DYM: variants seen among roughly 807,000 people sequenced by gnomAD.
DYM encodes the protein dymeclin, also known as dyggve-Melchior-Clausen syndrome protein.
In DYM, 78 loss-of-function variants were observed where a neutral mutation model predicts 93.1. The ratio of observed to expected loss-of-function variants is 0.84; its 90% CI spans 0.70 to 1.01. DYM has a LOEUF of 1.01. Ranked by LOEUF, DYM falls within the 50% of genes least tolerant of loss-of-function variation. DYM has a pLI of 0.00. For synonymous variants in DYM, 321 were observed against 319.7 expected (o/e 1.00, Z -0.04); for missense variants, 789 against 845.0 (o/e 0.93, Z 0.82).
intron 17 of DYM, among the ~76,000 whole-genome samples, chr18:49,084,162 T>G (rs183543833): frequency 6.6e-6 from 1 of 152,208 alleles, no homozygotes; most frequent in Non-Finnish European, 1.5e-5. Flanking sequence ...ATCTCACAAA[T>G]TTTGATATGC....
At chr18:49,085,979 A>G (rs1416812948) in intron 17 of DYM, among the ~76,000 whole-genome samples, 1 of 152,158 alleles carries the variant, frequency 6.6e-6, no homozygotes, top group Non-Finnish European at 1.5e-5. Flanking sequence ...ATTTCTGACC[A>G]AAGAAAATTC....
At chr18:49,217,569 C>T (rs1262623043) in intron 13 of DYM, among the ~76,000 whole-genome samples, 2 of 152,132 alleles carry the variant, frequency 1.3e-5, no homozygotes, top group Non-Finnish European at 2.9e-5. Context: ...GCAGAAACTC[C>T]ACAAGCCAGA....
chr18:49,170,906 T>C (rs368118740), intron 14 of DYM, among the ~76,000 whole-genome samples: 4 of 151,710 alleles, frequency 2.6e-5, no homozygotes, highest in African/African-American at 9.7e-5. Flanking sequence ...AAAGACATTC[T>C]GGAAGCCAAG....
At position 49,217,015 on chromosome 18, in the gene DYM, A is replaced by C. The variant is rs188962980; in HGVS notation, c.1461-7300T>G. Among the ~76,000 whole-genome samples the C allele has an allele frequency of 7.8e-4, 119 of 152,342 alleles. 1 individual carries two copies. Among genetic ancestry groups the C allele is most frequent in the African/African-American group, 2.7e-3 (114 of 41,588 alleles). ...AAGTTAAATACTTCGAAAAAAATTT[A>C]GACGAATGTATAACTAGAATAATCA... On this transcript the variant is annotated intron_variant, in intron 13 of 17. Coordinates refer to ENST00000675505, the MANE Select transcript of DYM (RefSeq NM_001353214.3).
chr18:49,046,100 A>C (rs376291522), intron 17 of DYM, among the ~76,000 whole-genome samples: 30 of 150,478 alleles, frequency 2.0e-4, no homozygotes, highest in Admixed American at 5.3e-4. Context: ...ACACACACAC[A>C]CCCACACCCA....
At chr18:49,128,856 T>C (rs1313707489) in intron 15 of DYM, among the ~76,000 whole-genome samples, 1 of 152,130 alleles carries the variant, frequency 6.6e-6, no homozygotes, top group Non-Finnish European at 1.5e-5. Context: ...TAAGTAAAAA[T>C]GCACAAAGTT....
At chr18:49,156,263 A>G (rs1302403937) in intron 15 of DYM, among the ~76,000 whole-genome samples, 1 of 152,210 alleles carries the variant, frequency 6.6e-6, no homozygotes, top group Non-Finnish European at 1.5e-5. Flanking sequence ...AACTTGCATC[A>G]CAGTCCAACA....
chr18:49,097,520 A>C lies in DYM; in HGVS notation c.1912-5T>G. ...TGAGCTAAAGAAGGAGATCACCTGT[A>C]ATGTAAAGTGTTATTTTTTAAACAA... On this transcript the variant is annotated splice_region_variant and splice_polypyrimidine_tract_variant and intron_variant, in intron 16 of 17. Coordinates refer to ENST00000675505, the MANE Select transcript of DYM (RefSeq NM_001353214.3). The C allele has an allele frequency of 6.2e-7, 1 of 1,612,464 alleles. No homozygotes were observed. The highest frequency in any genetic ancestry group is 8.5e-7 in the Non-Finnish European group (1 of 1,178,730).
intron 17 of DYM, among the ~76,000 whole-genome samples, chr18:49,082,713 A>AG (rs749648998): frequency 2.0e-5 from 3 of 152,254 alleles, no homozygotes; most frequent in Non-Finnish European, 4.4e-5. Flanking sequence ...AAAGAAAGAC[A>AG]GGAAGTGGCA....
At chr18:49,342,755 C>T (rs2147033213) in intron 6 of DYM, among the ~76,000 whole-genome samples, 1 of 152,272 alleles carries the variant, frequency 6.6e-6, no homozygotes, top group South Asian at 2.1e-4. Context: ...TACATACTTA[C>T]ACTGTGTTAC....
At chr18:49,342,120 G>A (rs920956289) in intron 6 of DYM, among the ~76,000 whole-genome samples, 1 of 152,162 alleles carries the variant, frequency 6.6e-6, no homozygotes, top group African/African-American at 2.4e-5. Context: ...TTTTTGGCAG[G>A]ACTCATTTCC....
chr18:49,273,228 T>C (rs538630203), intron 10 of DYM, among the ~76,000 whole-genome samples: 86 of 152,238 alleles, frequency 5.6e-4, no homozygotes, highest in South Asian at 1.9e-3. Context: ...TAGCTAAAAC[T>C]TCCTCTAAAT....
rs2070809117 is a variant in DYM, at chr18:49,039,082, A to G, written c.*4973T>C. On this transcript the variant is annotated 3_prime_UTR_variant, in exon 18 of 18. Transcript: ENST00000675505. The stretch of plus-strand genomic sequence containing the variant: ...CTTCTGCCTGTAAAACACCTTTTAA[A>G]TTTTCCTTTAGGGTAGGCGTGCTGA... Among the ~76,000 whole-genome samples, 1 of 152,034 alleles carries G rather than the reference A, an allele frequency of 6.6e-6. No homozygotes were observed. The highest frequency in any genetic ancestry group is 1.5e-5 in the Non-Finnish European group (1 of 68,008).
chr18:49,306,711 T>G (rs1431898221), intron 8 of DYM, among the ~76,000 whole-genome samples: 1 of 152,150 alleles, frequency 6.6e-6, no homozygotes, highest in Non-Finnish European at 1.5e-5. Context: ...CATAAGTGAG[T>G]TATGCATTTA....
intron 16 of DYM, among the ~76,000 whole-genome samples, chr18:49,106,272 ATC>A (rs1391541287): frequency 6.6e-6 from 1 of 152,076 alleles, no homozygotes; most frequent in Non-Finnish European, 1.5e-5. Flanking sequence ...ATCTTCCTCC[ATC>A]CCTTTATTCT....
chr18:49,405,744 T>G (rs1489553349), intron 2 of DYM, among the ~76,000 whole-genome samples: 2 of 152,208 alleles, frequency 1.3e-5, no homozygotes, highest in Non-Finnish European at 2.9e-5. Flanking sequence ...TTTGAACAGT[T>G]TTTTCTAATT....
At chr18:49,438,425 C>T (rs75841071) in intron 1 of DYM, among the ~76,000 whole-genome samples, 4 of 151,958 alleles carry the variant, frequency 2.6e-5, no homozygotes, top group Non-Finnish European at 4.4e-5. Flanking sequence ...AAATAACAGG[C>T]GGCCAGAAGC....
At chr18:49,069,761 GGCCAGGCATGGTGGCTCAC>G (rs1721235936) in intron 17 of DYM, among the ~76,000 whole-genome samples, 1 of 152,142 alleles carries the variant, frequency 6.6e-6, no homozygotes, top group South Asian at 2.1e-4. Context: ...CTGTGTATTG[GGCCAGGCATGGTGGCTCAC>G]GCCTGTAATC....
Position 49,193,295 on chromosome 18 carries a change from CA to C in DYM, c.1625+16255del, listed in dbSNP as rs530388915. ...GTTAGCTATTATCACCACTACTGGG[CA>C]AAAAAAAAAATATTTTGTATGCATG... On this transcript the variant is annotated intron_variant, in intron 14 of 17. Coordinates refer to ENST00000675505, the MANE Select transcript of DYM (RefSeq NM_001353214.3). Among the ~76,000 whole-genome samples the C allele has an allele frequency of 9.2e-4, 132 of 143,554 alleles. 1 individual carries two copies. Among genetic ancestry groups the C allele is most frequent in the African/African-American group, 1.2e-3 (47 of 39,224 alleles). The allele number at this position is 143,554 out of a possible 152,430, so 94.2% of individuals were successfully genotyped here.
Sources: gnomAD v4.1 joint callset for allele counts (sites outside exome capture counted in the v4.1 genomes callset) on GRCh38, gnomAD v4.1.1 for gene constraint, MANE v1.5 for transcripts, NCBI Gene and HGNC (gene_info 2026-07-23, HGNC 2026-07-21) for gene names.